The following LRP1B variants were observed in gnomAD, a reference collection of about 807,000 sequenced individuals.
LRP1B encodes the protein low-density lipoprotein receptor-related protein 1B.
Under a neutral mutation model 556.6 loss-of-function variants are expected in LRP1B, and 217 were observed. The ratio of observed to expected loss-of-function variants is 0.39; its 90% CI spans 0.35 to 0.44. The LOEUF is 0.44. LRP1B is among the 20% of genes least tolerant of loss of function. LRP1B has a pLI of 1.00. For missense variants in LRP1B, 5,053 were observed against 5,620.8 expected (o/e 0.90, Z 3.23); for synonymous variants, 2,047 against 1,865.8 (o/e 1.10, Z -2.50).
chr2:140,386,469 A>G (rs569003719), intron 66 of LRP1B, among the ~76,000 whole-genome samples: 11 of 152,270 alleles, frequency 7.2e-5, no homozygotes, highest in African/African-American at 2.2e-4. Flanking sequence ...TCTTATTCGT[A>G]ACTGATCTGT....
chr2:141,387,615 A>G (rs1200966095), intron 3 of LRP1B, among the ~76,000 whole-genome samples: 1 of 152,186 alleles, frequency 6.6e-6, no homozygotes, highest in Non-Finnish European at 1.5e-5. Context: ...ACTGAATAAT[A>G]TATTTTTAAA....
At chr2:141,935,005 A>G (rs1700596083) in intron 1 of LRP1B, among the ~76,000 whole-genome samples, 1 of 152,160 alleles carries the variant, frequency 6.6e-6, no homozygotes, top group Non-Finnish European at 1.5e-5. Context: ...CTTCAGGAAA[A>G]CTGGCATAAA....
At chr2:141,894,249 C>T (rs1407526727) in intron 1 of LRP1B, among the ~76,000 whole-genome samples, 2 of 152,006 alleles carry the variant, frequency 1.3e-5, no homozygotes, top group East Asian at 1.9e-4. Flanking sequence ...TTGTATTTCC[C>T]GAACAATTAC....
At chr2:140,696,272 G>T (rs1379539849) in intron 41 of LRP1B, among the ~76,000 whole-genome samples, 1 of 151,706 alleles carries the variant, frequency 6.6e-6, no homozygotes, top group African/African-American at 2.4e-5. Flanking sequence ...TTTCTTTTTT[G>T]GTCTGGCAAG....
rs777588412 is a variant in LRP1B, at chr2:140,840,105, G to A, written c.5115-20C>T. ...AGTTTTCTTAATTCAAAAGACATAT[G>A]GATTGAAAATATTAGATGTAGACCT... On this transcript the variant is annotated intron_variant, in intron 30 of 90. Transcript: ENST00000389484. The A allele has an allele frequency of 6.9e-7, 1 of 1,455,920 alleles. No homozygotes were observed. Among genetic ancestry groups the A allele is most frequent in the South Asian group, 1.2e-5 (1 of 83,288 alleles). 90.2% of individuals were successfully genotyped at this position (1,455,920 alleles called of 1,614,324 possible). A position where few individuals can be genotyped will look rare whatever the true frequency, so the allele number is the denominator to read the frequency against.
At chr2:140,928,511 T>C (rs1694953283) in intron 20 of LRP1B, among the ~76,000 whole-genome samples, 1 of 152,142 alleles carries the variant, frequency 6.6e-6, no homozygotes, top group African/African-American at 2.4e-5. Flanking sequence ...ATGAGGGTTC[T>C]GGATGGCCTC....
chr2:142,122,094 A>T (rs1707477080), intron 1 of LRP1B, among the ~76,000 whole-genome samples: 1 of 152,138 alleles, frequency 6.6e-6, no homozygotes, highest in African/African-American at 2.4e-5. Flanking sequence ...AGCTATGTTT[A>T]TCTTCTCAGA....
chr2:141,704,770 A>T (rs758289552), intron 2 of LRP1B, among the ~76,000 whole-genome samples: 4 of 151,936 alleles, frequency 2.6e-5, no homozygotes, highest in Non-Finnish European at 5.9e-5. Flanking sequence ...GGATCCGCCC[A>T]TATCTTCCCA....
rs1699345658 is a variant in LRP1B at position 141,061,859 on chromosome 2, G to A, written c.1236+192C>T. Among the ~76,000 whole-genome samples, 4 of 151,760 alleles carry A rather than the reference G, an allele frequency of 2.6e-5. No individual in the cohort carries two copies. In the South Asian group the frequency reaches 8.3e-4, roughly 31 times the overall value. The stretch of plus-strand genomic sequence containing the variant: ...TTAATAGAAGGGAGAAAGAGCAAGA[G>A]AGGCATCTCCAATTTTGTGGAAATA... On this transcript the variant is annotated intron_variant, in intron 8 of 90. Coordinates refer to ENST00000389484, the MANE Select transcript of LRP1B (RefSeq NM_018557.3).
intron 14 of LRP1B, among the ~76,000 whole-genome samples, chr2:141,013,184 C>T (rs2105384562): frequency 6.6e-6 from 1 of 151,988 alleles, no homozygotes; most frequent in African/African-American, 2.4e-5. Context: ...CTTCAATTTT[C>T]AGTAGTTTTC....
intron 1 of LRP1B, among the ~76,000 whole-genome samples, chr2:142,080,579 A>C (rs1705675051): frequency 6.6e-6 from 1 of 150,910 alleles, no homozygotes; most frequent in Non-Finnish European, 1.5e-5. Flanking sequence ...AAAGGTGTTG[A>C]AATAATTCAG....
intron 1 of LRP1B, among the ~76,000 whole-genome samples, chr2:141,848,833 T>C (rs1280412133): frequency 6.6e-6 from 1 of 151,420 alleles, no homozygotes; most frequent in African/African-American, 2.4e-5. Flanking sequence ...CAGAAGGGCT[T>C]TGCATAAGCA....
At chr2:140,655,902 C>A (rs1045797461) in intron 41 of LRP1B, among the ~76,000 whole-genome samples, 4 of 151,232 alleles carry the variant, frequency 2.6e-5, no homozygotes, top group Admixed American at 6.6e-5. Context: ...GAGATCCCGC[C>A]ACTGCACTCC....
chr2:141,043,037 C>CAAAAAAAAAAAAA (rs57176510), intron 11 of LRP1B, among the ~76,000 whole-genome samples: 6 of 122,004 alleles, frequency 4.9e-5, no homozygotes, highest in Non-Finnish European at 6.7e-5. Flanking sequence ...ACAAAAAATA[C>CAAAAAAAAAAAAA]AAAAAAAAAA....
chr2:141,304,157 G>C (rs892306408), intron 3 of LRP1B, among the ~76,000 whole-genome samples: 1 of 152,108 alleles, frequency 6.6e-6, no homozygotes, highest in East Asian at 1.9e-4. Flanking sequence ...GTATATTCTG[G>C]ATATTAGTCC....
chr2:140,886,272 T>C lies in LRP1B; in HGVS notation c.3830A>G (p.Lys1277Arg). 6.2e-7 allele frequency: 1 copy of C among 1,609,936 alleles called. No homozygotes were observed. Among genetic ancestry groups the C allele is most frequent in the South Asian group, 1.1e-5 (1 of 90,642 alleles). The stretch of plus-strand genomic sequence containing the variant: ...AGGAACAAGTAGACTATAGTCTCTT[T>C]TGTGAAGATCAATCCTTCTGATCTC... ...RHEIRRIDLHKRDYSLLVPGL... is the reference protein window; with the variant it reads ...RHEIRRIDLHRRDYSLLVPGL... The change falls in exon 24 of 91, where the codon AAA becomes AGA. Residue 1277 changes from lysine (K) to arginine (R), a missense_variant. Around this residue, in one of 5 missense-constraint regions of LRP1B, gnomAD observed 3,619 missense variants for 3,931.9 expected, o/e 0.92. Coordinates refer to ENST00000389484, the MANE Select transcript of LRP1B (RefSeq NM_018557.3).
chr2:141,231,547 C>A (rs1683468826), intron 5 of LRP1B, among the ~76,000 whole-genome samples: 1 of 152,106 alleles, frequency 6.6e-6, no homozygotes, highest in African/African-American at 2.4e-5. Context: ...GAATCACTAC[C>A]ACTTGGGAAA....
intron 1 of LRP1B, among the ~76,000 whole-genome samples, chr2:141,861,772 A>T (rs779120276): frequency 1.5e-4 from 23 of 152,120 alleles, no homozygotes; most frequent in Non-Finnish European, 1.0e-4. Context: ...TCTACTAAAA[A>T]TACAAAAATT....
chr2:140,828,581 C>A (rs1394962645), intron 31 of LRP1B, among the ~76,000 whole-genome samples: 1 of 109,892 alleles, frequency 9.1e-6, no homozygotes, highest in Non-Finnish European at 1.7e-5. Flanking sequence ...TGCACTCCAG[C>A]CTGGGCGACA....
Sources: gnomAD v4.1 joint callset for allele counts (sites outside exome capture counted in the v4.1 genomes callset) on GRCh38, gnomAD v4.1.1 for gene constraint, gnomAD v4.1.1 regional missense constraint, MANE v1.5 for transcripts, NCBI Gene and HGNC (gene_info 2026-07-23, HGNC 2026-07-21) for gene names.